MCTP1: variants seen among roughly 807,000 people sequenced by gnomAD.
The protein encoded by MCTP1 is multiple C2 and transmembrane domain containing 1, also known as multiple C2 and transmembrane domain-containing protein 1.
Under a neutral mutation model 120.6 loss-of-function variants are expected in MCTP1, and 69 were observed. That is an observed-to-expected ratio of 0.57 (90% confidence interval 0.47 to 0.70). The LOEUF is 0.70. Ranked by LOEUF, MCTP1 falls within the 30% of genes least tolerant of loss-of-function variation. The pLI is 0.00. For missense variants in MCTP1, 1,203 were observed against 1,248.8 expected, an observed-to-expected ratio of 0.96 and a Z score of 0.55; for synonymous variants, 529 against 493.1, an observed-to-expected ratio of 1.07 and a Z score of -0.96.
chr5:94,753,157 A>G (rs1008764806), intron 19 of MCTP1, among the ~76,000 whole-genome samples: 1 of 152,208 alleles, frequency 6.6e-6, no homozygotes, highest in Non-Finnish European at 1.5e-5. Flanking sequence ...TGCATATGGC[A>G]GTGACATTTA....
intron 1 of MCTP1, among the ~76,000 whole-genome samples, chr5:95,093,250 G>C (rs992471723): frequency 6.6e-6 from 1 of 152,220 alleles, no homozygotes; most frequent in Non-Finnish European, 1.5e-5. Context: ...ACTGAGAGTG[G>C]AACCAAGAGC....
intron 1 of MCTP1, chr5:95,081,666 A>T (rs1398166597): frequency 3.8e-6 from 5 of 1,320,678 alleles, no homozygotes; most frequent in Admixed American, 3.5e-5. Context: ...AGAACCCGTG[A>T]TGTTTAAATA....
chr5:94,921,992 T>C (rs1049751644), intron 7 of MCTP1, among the ~76,000 whole-genome samples: 1 of 152,188 alleles, frequency 6.6e-6, no homozygotes, highest in Non-Finnish European at 1.5e-5. Context: ...AAATATTGCC[T>C]CTGATCATGC....
At chr5:95,246,445 AG>A (rs1332101116) in intron 1 of MCTP1, among the ~76,000 whole-genome samples, 1 of 152,168 alleles carries the variant, frequency 6.6e-6, no homozygotes, top group Non-Finnish European at 1.5e-5. Context: ...CTCAAAATAA[AG>A]GGATGGAGGA....
At chr5:94,942,601 A>C (rs1450202277) in intron 3 of MCTP1, among the ~76,000 whole-genome samples, 174 bp from the exon 4 acceptor site, 6 of 152,110 alleles carry the variant, frequency 3.9e-5, no homozygotes, top group African/African-American at 1.2e-4. Context: ...GAAACACTTA[A>C]AGAAAACTAC....
rs886965750 is a variant in MCTP1 at position 95,185,185 on chromosome 5, A to G, written c.720+98671T>C. ...ACGGAAGTGGAGGGAATGTTTCTCA[A>G]CTTACTTTATGAGGCTAGTATTGTA... On this transcript the variant is annotated intron_variant, in intron 1 of 22. Coordinates refer to ENST00000515393, the MANE Select transcript of MCTP1 (RefSeq NM_024717.7). Among the ~76,000 whole-genome samples, 5 of 152,170 alleles carry G rather than the reference A, an allele frequency of 3.3e-5. 1 individual carries two copies. Among genetic ancestry groups the G allele is most frequent in the Admixed American group, 2.6e-4 (4 of 15,266 alleles).
intron 19 of MCTP1, among the ~76,000 whole-genome samples, chr5:94,753,599 C>T (rs1444226547): frequency 6.6e-6 from 1 of 152,138 alleles, no homozygotes; most frequent in African/African-American, 2.4e-5. Context: ...TACAGTGATG[C>T]TATTGCACAT....
intron 18 of MCTP1, among the ~76,000 whole-genome samples, chr5:94,782,903 T>A (rs1254781208): frequency 2.6e-5 from 4 of 152,088 alleles, no homozygotes; most frequent in African/African-American, 9.7e-5. Context: ...TCTTTTTTCT[T>A]AAGGGGGAAT....
chr5:94,994,051 C>T (rs557177779), intron 2 of MCTP1, among the ~76,000 whole-genome samples: 1 of 152,182 alleles, frequency 6.6e-6, no homozygotes, highest in African/African-American at 2.4e-5. Context: ...TTCTGTCCTC[C>T]TAAGAGCAGC....
chr5:94,856,720 C>A (rs547005049), intron 17 of MCTP1, among the ~76,000 whole-genome samples: 1 of 151,714 alleles, frequency 6.6e-6, no homozygotes, highest in East Asian at 2.0e-4. Context: ...TAGGGAAACA[C>A]CTTGGGAAAT....
chr5:95,016,820 G>A lies in MCTP1; in HGVS notation c.838+547C>T, dbSNP rs112272446. Reference sequence around the variant, plus strand: ...GAGATTGCATTGGGATTTGGAATCCGGGAACTTAAGAGTATTTGCCTTATC... The same window carrying A: ...GAGATTGCATTGGGATTTGGAATCCAGGAACTTAAGAGTATTTGCCTTATC... On this transcript the variant is annotated intron_variant, in intron 2 of 22. Coordinates refer to ENST00000515393, the MANE Select transcript of MCTP1 (RefSeq NM_024717.7). Among the ~76,000 whole-genome samples, 716 of 152,130 alleles carry A rather than the reference G, an allele frequency of 4.7e-3. 4 individuals are homozygous for A. The highest frequency in any genetic ancestry group is 0.015 in the African/African-American group (642 of 41,536).
At chr5:94,752,552 C>G (rs1768751123) in intron 19 of MCTP1, among the ~76,000 whole-genome samples, 1 of 152,120 alleles carries the variant, frequency 6.6e-6, no homozygotes, top group South Asian at 2.1e-4. Context: ...CTTATTGAAT[C>G]AGAATCTCTT....
intron 1 of MCTP1, among the ~76,000 whole-genome samples, chr5:95,075,095 T>G (rs1422503927): frequency 2.0e-5 from 3 of 152,244 alleles, no homozygotes; most frequent in Non-Finnish European, 4.4e-5. Flanking sequence ...TTTGTAAATA[T>G]GAATTATACA....
intron 3 of MCTP1, among the ~76,000 whole-genome samples, chr5:94,947,980 A>G (rs1247778296): frequency 6.6e-6 from 1 of 152,076 alleles, no homozygotes; most frequent in Non-Finnish European, 1.5e-5. Flanking sequence ...ATATAATGTG[A>G]TCTAAGATAT....
rs553707671 is a variant in MCTP1 at position 95,167,728 on chromosome 5, T to G, written c.720+116128A>C. ...TCTTCTTTTGAGAAGTGTCTGTTCA[T>G]ATCCTTTGCCCACTTGTAGATGGGG... On this transcript the variant is annotated intron_variant, in intron 1 of 22. Coordinates refer to ENST00000515393, the MANE Select transcript of MCTP1 (RefSeq NM_024717.7). Among the ~76,000 whole-genome samples the G allele has an allele frequency of 2.0e-5, 3 of 152,390 alleles. No individual in the cohort carries two copies. The East Asian group carries it at 5.8e-4, about 29-fold the overall frequency.
At chr5:95,034,958 C>T (rs1300263178) in intron 1 of MCTP1, among the ~76,000 whole-genome samples, 1 of 151,842 alleles carries the variant, frequency 6.6e-6, no homozygotes, top group African/African-American at 2.4e-5. Context: ...TGACCAATAA[C>T]CATTTGAAAA....
intron 17 of MCTP1, among the ~76,000 whole-genome samples, chr5:94,827,006 G>A (rs1272731457): frequency 1.3e-5 from 2 of 151,860 alleles, no homozygotes; most frequent in Non-Finnish European, 2.9e-5. Flanking sequence ...ATTTGATCCT[G>A]CATTATGATG....
chr5:95,142,359 A>G (rs1343126594), intron 1 of MCTP1, among the ~76,000 whole-genome samples: 1 of 152,206 alleles, frequency 6.6e-6, no homozygotes, highest in Admixed American at 6.5e-5. Flanking sequence ...CTAACAGGAA[A>G]CTTTTTACAA....
intron 1 of MCTP1, among the ~76,000 whole-genome samples, chr5:95,153,789 C>T (rs531620142): frequency 6.6e-6 from 1 of 152,146 alleles, no homozygotes; most frequent in Admixed American, 6.5e-5. Flanking sequence ...TGGAGTGTTC[C>T]TTTGCCAAGA....
Sources: allele counts gnomAD v4.1 joint callset (sites outside exome capture counted in the v4.1 genomes callset), GRCh38; gene constraint gnomAD v4.1.1; transcripts MANE v1.5; gene names NCBI Gene and HGNC (gene_info 2026-07-23, HGNC 2026-07-21).